The following PARD3B variants were observed in gnomAD, a reference collection of about 807,000 sequenced individuals.
PARD3B encodes the protein par-3 family cell polarity regulator beta.
In PARD3B, 103 loss-of-function variants were observed where a neutral mutation model predicts 130.2. The ratio of observed to expected loss-of-function variants is 0.79; its 90% confidence interval spans 0.67 to 0.93. PARD3B has a LOEUF of 0.93. PARD3B is among the 40% of genes least tolerant of loss of function. PARD3B has a pLI of 0.00. For missense variants in PARD3B, 1,609 were observed against 1,499.2 expected (o/e 1.07, Z -1.21); for synonymous variants, 583 against 553.2 (o/e 1.05, Z -0.76).
chr2:204,663,530 T>C (rs557815498), intron 1 of PARD3B, among the ~76,000 whole-genome samples: 1 of 152,332 alleles, frequency 6.6e-6, no homozygotes, highest in South Asian at 2.1e-4. Context: ...TTTTAAAATA[T>C]AAAGATCGTA....
At chr2:204,807,608 G>A (rs1235607740) in intron 2 of PARD3B, among the ~76,000 whole-genome samples, 12 of 152,038 alleles carry the variant, frequency 7.9e-5, no homozygotes, top group Admixed American at 1.3e-4. Flanking sequence ...ATTCATCAAC[G>A]GATGGATAAA....
At chr2:204,549,787 A>G (rs764269755) in intron 1 of PARD3B, among the ~76,000 whole-genome samples, 2 of 152,206 alleles carry the variant, frequency 1.3e-5, no homozygotes, top group Non-Finnish European at 2.9e-5. Context: ...TAATGGGATT[A>G]TTATTATGAA....
At chr2:204,889,818 G>A (rs1038401844) in intron 2 of PARD3B, among the ~76,000 whole-genome samples, 8 of 152,106 alleles carry the variant, frequency 5.3e-5, no homozygotes, top group African/African-American at 1.9e-4. Flanking sequence ...ATTCAAGGCT[G>A]GTGAAGAGAA....
At chr2:204,813,200 C>T (rs890583342) in intron 2 of PARD3B, among the ~76,000 whole-genome samples, 2 of 152,172 alleles carry the variant, frequency 1.3e-5, no homozygotes, top group Non-Finnish European at 2.9e-5. Context: ...TATACTTCCT[C>T]ACCAAGGTTT....
chr2:205,242,152 T>C (rs991651722), intron 15 of PARD3B, among the ~76,000 whole-genome samples: 7 of 152,228 alleles, frequency 4.6e-5, no homozygotes, highest in African/African-American at 1.7e-4. Flanking sequence ...GTCCTAAAGA[T>C]AGACATCTGT....
chr2:204,709,305 C>A (rs2038326735), intron 2 of PARD3B, among the ~76,000 whole-genome samples: 1 of 152,084 alleles, frequency 6.6e-6, no homozygotes, highest in Admixed American at 6.5e-5. Flanking sequence ...GAACGTACTG[C>A]AGTATTTTAT....
chr2:205,070,163 G>A (rs1032611135), intron 4 of PARD3B, among the ~76,000 whole-genome samples: 1 of 152,034 alleles, frequency 6.6e-6, no homozygotes, highest in Non-Finnish European at 1.5e-5. Flanking sequence ...TTAGTGAGTG[G>A]TCTGCAAAAG....
chr2:205,275,562 G>A (rs941001383), intron 16 of PARD3B, among the ~76,000 whole-genome samples: 1 of 152,028 alleles, frequency 6.6e-6, no homozygotes, highest in African/African-American at 2.4e-5. Flanking sequence ...ATTTAGGGCA[G>A]GGTGTGGTGG....
At chr2:204,627,368 A>C (rs950514323) in intron 1 of PARD3B, among the ~76,000 whole-genome samples, 2 of 152,166 alleles carry the variant, frequency 1.3e-5, no homozygotes, top group Admixed American at 1.3e-4. Context: ...AACATTATTT[A>C]TATTTTATTT....
At position 205,347,529 on chromosome 2, in the gene PARD3B, G is replaced by A. The variant is rs1016144311; in HGVS notation, c.2630+45828G>A. On this transcript the variant is annotated intron_variant, in intron 18 of 22. Transcript: ENST00000406610. ...AATAAGAAGCTACAATATAATGGGA[G>A]GCCAGTAGTTAAAAAATACTGCCAC... is the stretch of plus-strand genomic sequence containing the variant. Among the ~76,000 whole-genome samples, 10 of 152,126 alleles carry A rather than the reference G, an allele frequency of 6.6e-5. 1 individual carries two copies. Among genetic ancestry groups the A allele is most frequent in the Admixed American group, 5.9e-4 (9 of 15,274 alleles).
chr2:205,556,572 T>C (rs1029041502), intron 22 of PARD3B, among the ~76,000 whole-genome samples: 3 of 152,308 alleles, frequency 2.0e-5, no homozygotes, highest in Admixed American at 1.3e-4. Flanking sequence ...GGCTAAGCCA[T>C]GTTAAGTGTT....
chr2:204,621,592 G>A (rs375236157), intron 1 of PARD3B, among the ~76,000 whole-genome samples: 1 of 151,918 alleles, frequency 6.6e-6, no homozygotes, highest in Admixed American at 6.6e-5. Flanking sequence ...GATTTGTTTT[G>A]GAAATTTCTT....
intron 2 of PARD3B, among the ~76,000 whole-genome samples, chr2:204,727,767 G>A (rs2039301524): frequency 6.6e-6 from 1 of 152,202 alleles, no homozygotes; most frequent in Admixed American, 6.5e-5. Context: ...CATGCTTCCA[G>A]ATGGGTCATG....
At chr2:205,255,480 T>C (rs1044821496) in intron 16 of PARD3B, among the ~76,000 whole-genome samples, 2 of 152,058 alleles carry the variant, frequency 1.3e-5, no homozygotes, top group African/African-American at 4.8e-5. Context: ...ATTCTGACAC[T>C]ATCTACCTGG....
intron 2 of PARD3B, among the ~76,000 whole-genome samples, chr2:204,837,525 A>G (rs567422476): frequency 4.0e-4 from 60 of 151,822 alleles, no homozygotes; most frequent in Middle Eastern, 3.4e-3. Flanking sequence ...GGTTCAAGCA[A>G]TTCTCCTGCC....
chr2:205,181,571 A>G (rs1005437792), intron 13 of PARD3B, among the ~76,000 whole-genome samples: 1 of 152,256 alleles, frequency 6.6e-6, no homozygotes, highest in African/African-American at 2.4e-5. Flanking sequence ...ACATAAACAA[A>G]TAGGCATGGC....
At chr2:205,316,705 C>A (rs574866570) in intron 18 of PARD3B, among the ~76,000 whole-genome samples, 1 of 152,170 alleles carries the variant, frequency 6.6e-6, no homozygotes, top group Non-Finnish European at 1.5e-5. Flanking sequence ...CCCTTCTCTA[C>A]CTCTCTACTC....
chr2:204,881,435 C>A (rs1408891764), intron 2 of PARD3B, among the ~76,000 whole-genome samples: 3 of 151,662 alleles, frequency 2.0e-5, no homozygotes, highest in African/African-American at 7.3e-5. Context: ...ATGTTGACAA[C>A]GTAACATTTA....
intron 21 of PARD3B, among the ~76,000 whole-genome samples, chr2:205,510,522 G>T (rs998294238): frequency 2.0e-5 from 3 of 152,016 alleles, no homozygotes; most frequent in Non-Finnish European, 4.4e-5. Context: ...AATTCCATTG[G>T]TCCAAAGGTC....
Sources: allele counts gnomAD v4.1 joint callset (sites outside exome capture counted in the v4.1 genomes callset), GRCh38; gene constraint gnomAD v4.1.1; transcripts MANE v1.5; gene names NCBI Gene and HGNC (gene_info 2026-07-23, HGNC 2026-07-21).